RBM47: variants seen among roughly 807,000 people sequenced by gnomAD.
RBM47 encodes the protein RNA-binding protein 47.
A neutral mutation model predicts 47.1 loss-of-function variants in RBM47; 21 were observed. The observed-to-expected ratio is 0.45, with a 90% confidence interval of 0.32 to 0.64. The LOEUF is 0.64. RBM47 is among the 30% of genes least tolerant of loss of function. The pLI is 0.05. For synonymous variants in RBM47, 375 were observed against 361.7 expected, an observed-to-expected ratio of 1.04 and a Z score of -0.42; for missense variants, 708 against 870.9, an observed-to-expected ratio of 0.81 and a Z score of 2.35.
rs1190782585 is a variant in RBM47 at position 40,450,465 on chromosome 4, G to A, written c.-31-11541C>T. 3.3e-5 allele frequency among the ~76,000 whole-genome samples: 5 copies of A among 151,916 alleles called. 1 individual carries two copies. In the East Asian group the frequency reaches 9.6e-4, roughly 29 times the overall value. On this transcript the variant is annotated intron_variant, in intron 3 of 6. Transcript: ENST00000295971. ...AAAAATATAAAACTTAGCCAGGCGT[G>A]GTGGCATGCACCTGTAGTCCCAGCT...
intron 2 of RBM47, among the ~76,000 whole-genome samples, chr4:40,523,018 T>G (rs1034179954): frequency 7.0e-6 from 1 of 142,620 alleles, no homozygotes; most frequent in Non-Finnish European, 1.5e-5. Flanking sequence ...CAGGCTGGGG[T>G]GCAGTGGTAT....
chr4:40,571,297 T>C (rs1404827816), intron 1 of RBM47, among the ~76,000 whole-genome samples: 1 of 152,038 alleles, frequency 6.6e-6, no homozygotes, highest in Non-Finnish European at 1.5e-5. Flanking sequence ...AATCCAGATA[T>C]ATGTTCAAGT....
intron 1 of RBM47, among the ~76,000 whole-genome samples, chr4:40,617,016 C>G (rs1284679073): frequency 6.6e-6 from 1 of 151,096 alleles, no homozygotes; most frequent in East Asian, 2.0e-4. Flanking sequence ...GCTAGGATTA[C>G]AGGCGCCCGC....
chr4:40,527,027 GC>G (rs1726796277), intron 2 of RBM47, among the ~76,000 whole-genome samples: 1 of 152,016 alleles, frequency 6.6e-6, no homozygotes, highest in African/African-American at 2.4e-5. Flanking sequence ...GCCCAAGTCA[GC>G]TATAGCTGTG....
At chr4:40,530,977 G>T (rs908425703) in intron 2 of RBM47, among the ~76,000 whole-genome samples, 3 of 152,128 alleles carry the variant, frequency 2.0e-5, no homozygotes, top group Non-Finnish European at 4.4e-5. Context: ...GTGCATGCGT[G>T]TAGTCCCAGC....
At chr4:40,609,886 G>A (rs1445108172) in intron 1 of RBM47, among the ~76,000 whole-genome samples, 1 of 151,496 alleles carries the variant, frequency 6.6e-6, no homozygotes, top group East Asian at 2.0e-4. Flanking sequence ...CCTGAGGTCA[G>A]GAGTTCAAGA....
chr4:40,521,882 CA>C (rs929096134), intron 2 of RBM47, among the ~76,000 whole-genome samples: 4 of 151,916 alleles, frequency 2.6e-5, no homozygotes, highest in Non-Finnish European at 2.9e-5. Flanking sequence ...TTAAAAAATA[CA>C]AAAAAAGGAA....
At chr4:40,470,949 G>C (rs2154236585) in intron 2 of RBM47, among the ~76,000 whole-genome samples, 1 of 152,230 alleles carries the variant, frequency 6.6e-6, no homozygotes, top group South Asian at 2.1e-4. Flanking sequence ...CAGCATGTTG[G>C]CCAGGCTGGT....
chr4:40,498,834 A>G (rs977480078), intron 2 of RBM47, among the ~76,000 whole-genome samples: 1 of 152,080 alleles, frequency 6.6e-6, no homozygotes, highest in African/African-American at 2.4e-5. Flanking sequence ...GTGCCTTTAT[A>G]AACTGGAGGT....
At chr4:40,478,009 C>CTTTTTTTTTTTTTTTTTTT (rs1194806938) in intron 2 of RBM47, among the ~76,000 whole-genome samples, 1 of 86,412 alleles carries the variant, frequency 1.2e-5, no homozygotes, top group African/African-American at 4.8e-5. Flanking sequence ...GTGGCATGTT[C>CTTTTTTTTTTTTTTTTTTT]TTTTTTTTTT....
chr4:40,532,451 T>C (rs923687326), intron 2 of RBM47, among the ~76,000 whole-genome samples: 3 of 150,876 alleles, frequency 2.0e-5, no homozygotes, highest in African/African-American at 7.3e-5. Context: ...TAGCTGGGAC[T>C]ACAGGCATGT....
At chr4:40,536,289 C>T (rs769356926) in intron 2 of RBM47, among the ~76,000 whole-genome samples, 10 of 152,104 alleles carry the variant, frequency 6.6e-5, no homozygotes, top group Non-Finnish European at 1.2e-4. Context: ...AAGTGCAGCC[C>T]GGGATGAGGC....
chr4:40,582,405 G>A lies in RBM47; in HGVS notation c.-239-37899C>T, dbSNP rs529862554. Among the ~76,000 whole-genome samples the A allele has an allele frequency of 2.2e-4, 34 of 152,166 alleles. No individual in the cohort carries two copies. The East Asian group carries it at 3.3e-3, about 15-fold the overall frequency. On this transcript the variant is annotated intron_variant, in intron 1 of 6. Transcript: ENST00000295971. ...AAAAATTAGCCAGGTGTGGTGGTGC[G>A]TGCCTGTAATCCCAGCTACTTGGGA...
intron 2 of RBM47, among the ~76,000 whole-genome samples, chr4:40,520,622 T>C (rs1726104530): frequency 6.6e-6 from 1 of 152,202 alleles, no homozygotes; most frequent in African/African-American, 2.4e-5. Context: ...AATCTGGAGC[T>C]TCTAAATCTT....
At chr4:40,477,076 G>A (rs551405191) in intron 2 of RBM47, among the ~76,000 whole-genome samples, 7 of 152,146 alleles carry the variant, frequency 4.6e-5, no homozygotes, top group South Asian at 4.1e-4. Flanking sequence ...CCAACTACTC[G>A]GAAGGCTGAG....
chr4:40,591,875 G>GT (rs1734174013), intron 1 of RBM47, among the ~76,000 whole-genome samples: 1 of 152,126 alleles, frequency 6.6e-6, no homozygotes, highest in Non-Finnish European at 1.5e-5. Flanking sequence ...GAAAGAGCAC[G>GT]TAATGCTCAG....
intron 3 of RBM47, among the ~76,000 whole-genome samples, chr4:40,439,182 C>T (rs184003555): frequency 3.2e-4 from 48 of 152,244 alleles, no homozygotes; most frequent in Admixed American, 3.0e-3. Flanking sequence ...TCCATTTCAT[C>T]AGTACCCCGA....
chr4:40,457,756 A>G (rs887284105), intron 3 of RBM47, among the ~76,000 whole-genome samples: 9 of 152,140 alleles, frequency 5.9e-5, no homozygotes, highest in Admixed American at 2.0e-4. Context: ...TCATTCGTTA[A>G]ACTTCTTAAA....
At chr4:40,597,700 G>A (rs999509922) in intron 1 of RBM47, among the ~76,000 whole-genome samples, 4 of 152,244 alleles carry the variant, frequency 2.6e-5, no homozygotes, top group African/African-American at 7.2e-5. Flanking sequence ...ACAAAACAAT[G>A]CACATAAATG....
Sources: allele counts gnomAD v4.1 joint callset (sites outside exome capture counted in the v4.1 genomes callset), GRCh38; gene constraint gnomAD v4.1.1; transcripts MANE v1.5; gene names NCBI Gene and HGNC (gene_info 2026-07-23, HGNC 2026-07-21).